The following VPS45 variants were observed in gnomAD, a reference collection of about 807,000 sequenced individuals.
VPS45 encodes vacuolar protein sorting-associated protein 45.
Under a neutral mutation model 75.9 loss-of-function variants are expected in VPS45, and 35 were observed. That is an observed-to-expected ratio of 0.46 (90% CI 0.35 to 0.61). The LOEUF (loss-of-function observed/expected upper bound fraction) is 0.61, where lower values mean the gene tolerates loss of function less well. VPS45 is among the 20% of genes least tolerant of loss of function. The pLI, the probability that VPS45 is intolerant of heterozygous loss-of-function variation, is 0.00. For missense variants in VPS45, 559 were observed against 685.9 expected (o/e 0.81, Z 2.07); for synonymous variants, 220 against 238.2 (o/e 0.92, Z 0.70).
rs189126382 is a variant in VPS45 at position 150,077,497 on chromosome 1, C to T, written c.577-172C>T. 4.8e-4 allele frequency: 324 copies of T among 673,382 alleles called. 1 individual carries two copies. In the African/African-American group the frequency reaches 5.3e-3, roughly 11 times the overall value. The allele number at this position is 673,382 out of a possible 1,614,324, so 41.7% of individuals were successfully genotyped here. ...TATAAAATAGGGTTTCATATCCTAACCTCTTAAATAGTATGCTACTAAACT... is the reference window on the plus strand; with the variant it reads ...TATAAAATAGGGTTTCATATCCTAATCTCTTAAATAGTATGCTACTAAACT... On this transcript the variant is annotated intron_variant, in intron 6 of 14. Coordinates refer to ENST00000644510, the MANE Select transcript of VPS45 (RefSeq NM_007259.5).
intron 13 of VPS45, among the ~76,000 whole-genome samples, chr1:150,103,645 C>T (rs989146155): frequency 7.9e-5 from 12 of 152,150 alleles, no homozygotes; most frequent in Non-Finnish European, 1.3e-4. Context: ...GGACAGTGTT[C>T]TCTTACTATG....
At chr1:150,118,878 A>C (rs960579782) in intron 14 of VPS45, among the ~76,000 whole-genome samples, 8 of 152,224 alleles carry the variant, frequency 5.3e-5, no homozygotes, top group Non-Finnish European at 1.0e-4. Flanking sequence ...ATTCAATAAA[A>C]TTTTGGACAG....
intron 7 of VPS45, among the ~76,000 whole-genome samples, chr1:150,079,313 A>G (rs1443158933): frequency 1.3e-5 from 2 of 152,068 alleles, no homozygotes; most frequent in African/African-American, 2.4e-5. Context: ...CCTACGTTAC[A>G]TATTTCTTCA....
At chr1:150,130,931 G>A (rs587685945) in intron 14 of VPS45, among the ~76,000 whole-genome samples, 18 of 152,042 alleles carry the variant, frequency 1.2e-4, no homozygotes, top group African/African-American at 4.3e-4. Flanking sequence ...ATTTTCAAAC[G>A]AAGAAATAGG....
chr1:150,130,641 ATACT>A (rs1334465490), intron 14 of VPS45, among the ~76,000 whole-genome samples: 2 of 152,234 alleles, frequency 1.3e-5, no homozygotes, highest in Non-Finnish European at 2.9e-5. Flanking sequence ...CATTCAACAA[ATACT>A]TAGTGAGCAC....
chr1:150,138,572 T>C (rs1553814469), intron 14 of VPS45, among the ~76,000 whole-genome samples: 1 of 152,168 alleles, frequency 6.6e-6, no homozygotes, highest in Non-Finnish European at 1.5e-5. Flanking sequence ...GCATTATAGA[T>C]GTTCAGCAAC....
chr1:150,092,121 C>G, intron 11 of VPS45, 26 bp downstream of exon 11: 2 of 1,601,582 alleles, frequency 1.2e-6, no homozygotes, highest in Non-Finnish European at 1.7e-6. Context: ...ATTAGCCCAC[C>G]AAACAGGAAC....
rs587595368 is a variant in VPS45 at position 150,139,153 on chromosome 1, C to T, written c.1626-5556C>T. 7.2e-5 allele frequency among the ~76,000 whole-genome samples: 11 copies of T among 152,230 alleles called. No homozygotes were observed. In the South Asian group the frequency reaches 2.3e-3, roughly 32 times the overall value. On this transcript the variant is annotated intron_variant, in intron 14 of 14. Coordinates refer to ENST00000644510, the MANE Select transcript of VPS45 (RefSeq NM_007259.5). ...TGAAAATGTGTCATTCAGGGTATGTCACATCTTTTTGCAGAACCCTCCAGA... is the reference window on the plus strand; with the variant it reads ...TGAAAATGTGTCATTCAGGGTATGTTACATCTTTTTGCAGAACCCTCCAGA...
intron 3 of VPS45, among the ~76,000 whole-genome samples, chr1:150,073,929 T>C (rs782127972): frequency 6.6e-6 from 1 of 152,068 alleles, no homozygotes; most frequent in Non-Finnish European, 1.5e-5. Context: ...ATACAGCATA[T>C]AATCTTTTGG....
At position 150,072,267 on chromosome 1, in the gene VPS45, C is replaced by G. The variant is rs1245291774; in HGVS notation, c.289+41C>G. 7 of 1,446,008 alleles carry G rather than the reference C, an allele frequency of 4.8e-6. No homozygotes were observed. In the African/African-American group the frequency reaches 8.5e-5, roughly 18 times the overall value. 89.6% of individuals were successfully genotyped at this position (1,446,008 alleles called of 1,614,324 possible). A position where few individuals can be genotyped will look rare whatever the true frequency, so the allele number is the denominator to read the frequency against. On this transcript the variant is annotated intron_variant, in intron 3 of 14. Transcript: ENST00000644510. ...CACTTTTTCAAACATGTAACAACAT[C>G]CCAGTTAGTGTGTTTCATTGAGCCC...
At position 150,145,134 on chromosome 1, in the gene VPS45, A is replaced by G. The variant is rs1553816346; in HGVS notation, c.*338A>G. Reference sequence around the variant, plus strand: ...AAAGTAATCATTTGATGTACATACCACACTCCTTGGCTTCCTTTCTCTTCC... The same window carrying G: ...AAAGTAATCATTTGATGTACATACCGCACTCCTTGGCTTCCTTTCTCTTCC... On this transcript the variant is annotated 3_prime_UTR_variant, in exon 15 of 15. Coordinates refer to ENST00000644510, the MANE Select transcript of VPS45 (RefSeq NM_007259.5). 9 of 506,872 alleles carry G rather than the reference A, an allele frequency of 1.8e-5. No homozygotes were observed. The East Asian group carries it at 2.7e-4, about 15-fold the overall frequency. The allele number at this position is 506,872 out of a possible 1,614,324, so 31.4% of individuals were successfully genotyped here. A position where few individuals can be genotyped will look rare whatever the true frequency, so the allele number is the denominator to read the frequency against.
At chr1:150,141,425 T>C (rs1019776149) in intron 14 of VPS45, among the ~76,000 whole-genome samples, 3 of 152,218 alleles carry the variant, frequency 2.0e-5, no homozygotes, top group African/African-American at 7.2e-5. Context: ...TGTTACAGTA[T>C]GATAGCTTTG....
chr1:150,090,478 A>G (rs1301412769), intron 10 of VPS45, among the ~76,000 whole-genome samples: 2 of 152,236 alleles, frequency 1.3e-5, no homozygotes, highest in Non-Finnish European at 2.9e-5. Flanking sequence ...CATGCACTAA[A>G]AAAAGGGTTA....
intron 13 of VPS45, chr1:150,098,782 T>G (rs1178658909): frequency 8.2e-6 from 8 of 978,726 alleles, no homozygotes; most frequent in Non-Finnish European, 1.1e-5. Flanking sequence ...CAAATTGGAT[T>G]TGATCATTCT....
chr1:150,068,126 C>G, intron 1 of VPS45, 176 bp downstream of exon 1: 1 of 613,164 alleles, frequency 1.6e-6, no homozygotes, highest in Non-Finnish European at 2.8e-6. Context: ...GTCTACATGG[C>G]TCCAGCCACT....
At chr1:150,078,841 GA>G (rs1655538366) in intron 7 of VPS45, among the ~76,000 whole-genome samples, 1 of 150,216 alleles carries the variant, frequency 6.7e-6, no homozygotes, top group South Asian at 2.1e-4. Flanking sequence ...CGGGCGCGGT[GA>G]CTCACACCTA....
chr1:150,092,288 CT>C lies in VPS45; in HGVS notation c.1264-13del, dbSNP rs782215193. 12 of 1,611,064 alleles carry C rather than the reference CT, an allele frequency of 7.4e-6. 1 individual carries two copies. The South Asian group carries it at 1.2e-4, about 16-fold the overall frequency. ...ATGCCTAAGCAATCAAAATTTGCTT[CT>C]CTTTCTTAATAGCTCGTGTCTGCAG... On this transcript the variant is annotated splice_polypyrimidine_tract_variant and intron_variant, in intron 11 of 14. Coordinates refer to ENST00000644510, the MANE Select transcript of VPS45 (RefSeq NM_007259.5).
chr1:150,114,904 T>TAAA lies in VPS45; in HGVS notation c.1625+4290_1625+4292dup, dbSNP rs11437363. Among the ~76,000 whole-genome samples, 694 of 143,310 alleles carry TAAA rather than the reference T, an allele frequency of 4.8e-3. 1 individual carries two copies. Among genetic ancestry groups the TAAA allele is most frequent in the East Asian group, 9.7e-3 (48 of 4,958 alleles). 94.0% of individuals were successfully genotyped at this position (143,310 alleles called of 152,430 possible). Reference sequence around the variant, plus strand: ...AGCCTATCTGAACAAGACCCTGTCTTAAAAAAAAAAAAAAACTTTAGTATT... The same window carrying TAAA: ...AGCCTATCTGAACAAGACCCTGTCTTAAAAAAAAAAAAAAAAAACTTTAGTATT... On this transcript the variant is annotated intron_variant, in intron 14 of 14. Coordinates refer to ENST00000644510, the MANE Select transcript of VPS45 (RefSeq NM_007259.5).
Position 150,110,495 on chromosome 1 carries a change from G to T in VPS45, c.1494-1G>T. ...TAATATCTCATTCTTCATTATTGCA[G>T]ACCTCAGGATATCATTGTGTTTGTA... On this transcript the variant is annotated splice_acceptor_variant, in intron 13 of 14. Coordinates refer to ENST00000644510, the MANE Select transcript of VPS45 (RefSeq NM_007259.5). LOFTEE classifies it high-confidence loss of function. 6.2e-7 allele frequency: 1 copy of T among 1,607,820 alleles called. No individual in the cohort carries two copies. The highest frequency in any genetic ancestry group is 1.1e-5 in the South Asian group (1 of 90,314).
Sources: gnomAD v4.1 joint callset for allele counts (sites outside exome capture counted in the v4.1 genomes callset) on GRCh38, gnomAD v4.1.1 for gene constraint, MANE v1.5 for transcripts, NCBI Gene and HGNC (gene_info 2026-07-23, HGNC 2026-07-21) for gene names.